The following SECISBP2L variants were observed in gnomAD, a reference collection of about 807,000 sequenced individuals.
SECISBP2L encodes selenocysteine insertion sequence-binding protein 2-like.
A neutral mutation model predicts 114.7 loss-of-function variants in SECISBP2L; 43 were observed. The observed-to-expected ratio is 0.38, with a 90% CI of 0.29 to 0.48. The LOEUF (loss-of-function observed/expected upper bound fraction) is 0.48. Among genes scored for constraint, SECISBP2L ranks in the 20% least tolerant of loss-of-function variants. The pLI is 0.98. For synonymous variants in SECISBP2L, 451 were observed against 439.7 expected, an observed-to-expected ratio of 1.03 and a Z score of -0.32; for missense variants, 1,136 against 1,301.1, an observed-to-expected ratio of 0.87 and a Z score of 1.95.
At chr15:49,039,519 T>C (rs1903077924) in intron 1 of SECISBP2L, among the ~76,000 whole-genome samples, 1 of 151,850 alleles carries the variant, frequency 6.6e-6, no homozygotes, top group South Asian at 2.1e-4. Context: ...GATTTCTTTT[T>C]TTTTTCTTTC....
chr15:48,999,800 G>A (rs1902166124), intron 16 of SECISBP2L, 33 bp downstream of exon 16: 1 of 1,598,426 alleles, frequency 6.3e-7, no homozygotes, highest in Admixed American at 1.7e-5. Flanking sequence ...GGATGTGCTG[G>A]AGAGCAAGAG....
At position 49,011,864 on chromosome 15, in the gene SECISBP2L, C is replaced by A. The variant is rs755864260; in HGVS notation, c.1732-1G>T. On this transcript the variant is annotated splice_acceptor_variant, in intron 12 of 17. Coordinates refer to ENST00000559471, the MANE Select transcript of SECISBP2L (RefSeq NM_001193489.2). LOFTEE classifies it high-confidence loss of function. ...TTTCCTCTCTTTCTTTTAAAATAAC[C>A]TAAAAGTCATTACACTAGTCTTTAA... 6.2e-7 allele frequency: 1 copy of A among 1,613,740 alleles called. No homozygotes were observed. The highest frequency in any genetic ancestry group is 2.2e-5 in the East Asian group (1 of 44,854).
intron 14 of SECISBP2L, 124 bp from the exon 15 acceptor site, chr15:49,001,221 T>C (rs1405301922): frequency 7.8e-6 from 5 of 639,974 alleles, no homozygotes; most frequent in African/African-American, 1.8e-5. Flanking sequence ...GAAAAGTCTC[T>C]TAAAGAAGTG....
chr15:48,999,941 T>A lies in SECISBP2L; in HGVS notation c.2295A>T (p.Glu765Asp). The A allele has an allele frequency of 6.2e-7, 1 of 1,613,970 alleles. No individual in the cohort carries two copies. ...ALYNVIAMAR[E>D]QEIPFVFALG... is the part of the protein sequence containing the mutation. Reference sequence around the variant, plus strand: ...GGGCAAACACAAAAGGAATTTCTTGTTCCCGTGCCATGGCTATAACATTAT... The same window carrying A: ...GGGCAAACACAAAAGGAATTTCTTGATCCCGTGCCATGGCTATAACATTAT... The change falls in exon 16 of 18, where the codon GAA becomes GAT. Residue 765 changes from glutamate (E) to aspartate (D), a missense_variant. Glu to Asp is a conservative substitution (Grantham distance 45). Transcript: ENST00000559471.
intron 14 of SECISBP2L, among the ~76,000 whole-genome samples, chr15:49,002,865 G>A (rs1442789713): frequency 6.6e-6 from 1 of 151,870 alleles, no homozygotes; most frequent in Non-Finnish European, 1.5e-5. Flanking sequence ...GCCTTGTAAA[G>A]TTTGAAGTCA....
At chr15:49,017,091 G>A (rs763529323) in intron 9 of SECISBP2L, 76 bp from the exon 10 acceptor site, 42 of 1,458,758 alleles carry the variant, frequency 2.9e-5, no homozygotes, top group Admixed American at 5.8e-5. Flanking sequence ...TCCAGAATGT[G>A]GGATGTTCTG....
rs1174613765 is a variant in SECISBP2L at position 49,009,303 on chromosome 15, A to G, written c.1940T>C (p.Val647Ala). ...SQNSPYCMTP[V>A]SQGSPASSGI... ...AGAACTAGCAGGAGAGCCTTGTGACACAGGTGTCATACAGTATGGAGAGTT... is the reference window on the plus strand; with the variant it reads ...AGAACTAGCAGGAGAGCCTTGTGACGCAGGTGTCATACAGTATGGAGAGTT... Residue 647 changes from valine (V) to alanine (A), a missense_variant, in exon 14 of 18, where the codon GTG becomes GCG. By Grantham distance (64) the Val-to-Ala change is moderately conservative. Coordinates refer to ENST00000559471, the MANE Select transcript of SECISBP2L (RefSeq NM_001193489.2). 2 of 1,614,192 alleles carry G rather than the reference A, an allele frequency of 1.2e-6. No individual in the cohort carries two copies. The highest frequency in any genetic ancestry group is 8.5e-7 in the Non-Finnish European group (1 of 1,180,012).
intron 3 of SECISBP2L, among the ~76,000 whole-genome samples, chr15:49,034,373 T>A (rs1902960555): frequency 6.6e-6 from 1 of 152,068 alleles, no homozygotes; most frequent in Non-Finnish European, 1.5e-5. Context: ...AAAAGTTAAC[T>A]AAAATTAAAC....
At chr15:48,992,964 C>G (rs1902015640) in intron 17 of SECISBP2L, 38 bp from the exon 18 acceptor site, 2 of 1,537,744 alleles carry the variant, frequency 1.3e-6, no homozygotes, top group Non-Finnish European at 1.8e-6. Flanking sequence ...AACCAGAACA[C>G]TGTTTCAAAA....
Position 49,037,748 on chromosome 15 carries a change from C to T in SECISBP2L, c.46G>A (p.Val16Met), listed in dbSNP as rs759331968. 4 of 1,603,488 alleles carry T rather than the reference C, an allele frequency of 2.5e-6. No individual in the cohort carries two copies. In the South Asian group the frequency reaches 3.4e-5, roughly 13 times the overall value. ...TEQNVKLSAE[V>M]EPFIPQKKSP... ...TTCTTCTGGGGAATAAATGGCTCCA[C>T]CTCAGCTGACAGCTTGACATTCTTC... Residue 16 changes from valine (V) to methionine (M), a missense_variant, in exon 2 of 18, where the codon GTG (valine) becomes ATG (methionine). This residue lies in a region of SECISBP2L where 452 missense variants were observed against 452.3 expected (regional missense o/e 1.00). Transcript: ENST00000559471.
chr15:49,041,683 C>T (rs779133669), intron 1 of SECISBP2L, among the ~76,000 whole-genome samples: 1 of 152,156 alleles, frequency 6.6e-6, no homozygotes, highest in Non-Finnish European at 1.5e-5. Context: ...GAAGTTGGAA[C>T]ATAACGAGAC....
chr15:49,007,998 GAA>G (rs1446785966), intron 14 of SECISBP2L, among the ~76,000 whole-genome samples: 1 of 152,196 alleles, frequency 6.6e-6, no homozygotes, highest in African/African-American at 2.4e-5. Flanking sequence ...GTGAGACACA[GAA>G]AGTCAGAAGC....
Position 49,028,650 on chromosome 15 carries a change from AGAG to A in SECISBP2L, c.694_696del (p.Leu232del). The A allele has an allele frequency of 6.2e-7, 1 of 1,614,134 alleles. No homozygotes were observed. On this transcript the variant is annotated inframe_deletion, in exon 5 of 18. Transcript: ENST00000559471. Reference sequence around the variant, plus strand: ...CAGAGCATTGTTGCAGTGGTCTCTGAGAGAGACTTGTTAGCGATATCTGATGGG... The same window carrying A: ...CAGAGCATTGTTGCAGTGGTCTCTGAAGACTTGTTAGCGATATCTGATGGG...
chr15:49,044,713 A>T (rs1903207952), intron 1 of SECISBP2L, among the ~76,000 whole-genome samples: 1 of 152,170 alleles, frequency 6.6e-6, no homozygotes, highest in Admixed American at 6.5e-5. Context: ...AAAGATGTGG[A>T]AAGGGGAAAA....
At chr15:49,027,039 A>G (rs1226945924) in intron 7 of SECISBP2L, among the ~76,000 whole-genome samples, 1 of 152,254 alleles carries the variant, frequency 6.6e-6, no homozygotes, top group African/African-American at 2.4e-5. Context: ...TCAAAGAATC[A>G]ATATTTAAAG....
chr15:48,996,457 C>T lies in SECISBP2L; in HGVS notation c.2533G>A (p.Gly845Arg), dbSNP rs1181297721. 1 of 1,613,926 alleles carries T rather than the reference C, an allele frequency of 6.2e-7. No individual in the cohort carries two copies. The highest frequency in any genetic ancestry group is 8.5e-7 in the Non-Finnish European group (1 of 1,179,996). ...GCTGCAGAGGGATTCCGAGAATGTCCCATGTGGTGTGGTACCTTCTTCACA... is the reference window on the plus strand; with the variant it reads ...GCTGCAGAGGGATTCCGAGAATGTCTCATGTGGTGTGGTACCTTCTTCACA... ...KNVKKVPHHM[G>R]HSRNPSAASA... The change falls in exon 17 of 18, where the codon GGA (glycine) becomes AGA (arginine). Residue 845 changes from glycine (G) to arginine (R), a missense_variant. Coordinates refer to ENST00000559471, the MANE Select transcript of SECISBP2L (RefSeq NM_001193489.2).
chr15:49,030,427 C>T (rs1290901268), intron 4 of SECISBP2L, among the ~76,000 whole-genome samples: 1 of 152,168 alleles, frequency 6.6e-6, no homozygotes, highest in Non-Finnish European at 1.5e-5. Flanking sequence ...GAAAAATTCC[C>T]ATATTCCCGC....
chr15:49,046,279 C>A lies in SECISBP2L; in HGVS notation c.21G>T (p.Glu7Asp). The stretch of plus-strand genomic sequence containing the variant: ...GGCCCAGCCCAAACCCGCGTACCTG[C>A]TCCGTGGGGGCTCGGTCCATGGTGC... Reference protein sequence around the residue: MDRAPTEQNVKLSAEVE... With the variant: MDRAPTDQNVKLSAEVE... Residue 7 changes from glutamate (E) to aspartate (D), a missense_variant, in exon 1 of 18, where the codon GAG becomes GAT. Coordinates refer to ENST00000559471, the MANE Select transcript of SECISBP2L (RefSeq NM_001193489.2). 1 of 1,562,520 alleles carries A rather than the reference C, an allele frequency of 6.4e-7. No homozygotes were observed.
intron 4 of SECISBP2L, among the ~76,000 whole-genome samples, chr15:49,030,017 T>C (rs1484377382): frequency 6.7e-6 from 1 of 149,796 alleles, no homozygotes; most frequent in Non-Finnish European, 1.5e-5. Flanking sequence ...TCTTATTTAC[T>C]TCACAAATCA....
Sources: gnomAD v4.1 joint callset for allele counts (sites outside exome capture counted in the v4.1 genomes callset) on GRCh38, gnomAD v4.1.1 for gene constraint, gnomAD v4.1.1 regional missense constraint, MANE v1.5 for transcripts, NCBI Gene and HGNC (gene_info 2026-07-23, HGNC 2026-07-21) for gene names.